The following CHN1 variants were observed in gnomAD, a reference collection of about 807,000 sequenced individuals.
The protein encoded by CHN1 is N-chimaerin.
In CHN1, 37 loss-of-function variants were observed where a neutral mutation model predicts 59.5. That is an observed-to-expected ratio of 0.62 (90% confidence interval 0.48 to 0.82). The LOEUF (loss-of-function observed/expected upper bound fraction) is 0.82. Among genes scored for constraint, CHN1 ranks in the 40% least tolerant of loss-of-function variants. CHN1 has a pLI of 0.00. For synonymous variants in CHN1, 206 were observed against 200.4 expected, an observed-to-expected ratio of 1.03 and a Z score of -0.24; for missense variants, 469 against 571.0, an observed-to-expected ratio of 0.82 and a Z score of 1.82.
At chr2:174,876,175 C>T (rs1687557476) in intron 6 of CHN1, among the ~76,000 whole-genome samples, 1 of 152,184 alleles carries the variant, frequency 6.6e-6, no homozygotes, top group Non-Finnish European at 1.5e-5. Context: ...TCCACTTTGA[C>T]TGGGGGACAA....
chr2:174,921,005 A>G (rs1434024197), intron 3 of CHN1: 7 of 420,050 alleles, frequency 1.7e-5, no homozygotes, highest in Non-Finnish European at 3.5e-5. Flanking sequence ...GCAGTTCACA[A>G]TAGGGTTCGC....
intron 3 of CHN1, among the ~76,000 whole-genome samples, chr2:174,933,972 G>C (rs373413748): frequency 6.6e-6 from 1 of 152,142 alleles, no homozygotes; most frequent in Non-Finnish European, 1.5e-5. Context: ...ACAAAATTAT[G>C]AGCTGAAAAT....
intron 6 of CHN1, among the ~76,000 whole-genome samples, chr2:174,852,107 T>G (rs1244231089): frequency 1.4e-5 from 2 of 142,696 alleles, no homozygotes; most frequent in Non-Finnish European, 3.1e-5. Context: ...TGAAACCCCT[T>G]TTTTTCCTCT....
chr2:174,917,076 C>T (rs1688868386), intron 4 of CHN1, among the ~76,000 whole-genome samples: 1 of 151,994 alleles, frequency 6.6e-6, no homozygotes, highest in South Asian at 2.1e-4. Context: ...GCCTGTAGTC[C>T]CAGCTACTCG....
intron 1 of CHN1, among the ~76,000 whole-genome samples, chr2:174,982,928 G>A (rs1225334025): frequency 1.3e-5 from 2 of 151,890 alleles, no homozygotes; most frequent in African/African-American, 4.8e-5. Context: ...CATTTTACTT[G>A]GCTAAACTGG....
intron 1 of CHN1, among the ~76,000 whole-genome samples, chr2:175,004,386 A>G (rs970756370): frequency 1.3e-5 from 2 of 152,188 alleles, no homozygotes; most frequent in African/African-American, 2.4e-5. Flanking sequence ...ATTTTAACCC[A>G]TATTCAGTTC....
In CHN1 at chr2:174,800,177, T is replaced by C. The variant is rs369847378; in HGVS notation, c.1319A>G (p.Asp440Gly). ...PELDAMAALNDIRYQRLVVEL... is the reference protein window; with the variant it reads ...PELDAMAALNGIRYQRLVVEL... Reference sequence around the variant, plus strand: ...CACCACCAGTCTCTGATACCGTATATCATTCAATGCAGCCATGGCGTCTAG... The same window carrying C: ...CACCACCAGTCTCTGATACCGTATACCATTCAATGCAGCCATGGCGTCTAG... Residue 440 changes from aspartate to glycine, a missense_variant, in exon 13 of 13, where the codon GAT becomes GGT. Transcript: ENST00000409900. 21 of 1,540,142 alleles carry C rather than the reference T, an allele frequency of 1.4e-5. No individual in the cohort carries two copies. The highest frequency in any genetic ancestry group is 1.7e-5 in the Non-Finnish European group (20 of 1,148,734).
Position 174,874,346 on chromosome 2 carries a change from G to GC in CHN1, c.549+3493dup, listed in dbSNP as rs144931910. 1.6e-3 allele frequency among the ~76,000 whole-genome samples: 242 copies of GC among 152,244 alleles called. 1 individual carries two copies. The highest frequency in any genetic ancestry group is 5.5e-3 in the African/African-American group (229 of 41,556). On this transcript the variant is annotated intron_variant, in intron 6 of 12. Transcript: ENST00000409900. ...CCATTTTAGAAGGGAAGAAAGTCTG[G>GC]CTTCTCAAGATGCTGCAATTTCATG... is the stretch of plus-strand genomic sequence containing the variant.
At chr2:174,813,866 T>C (rs1558934505) in intron 8 of CHN1, among the ~76,000 whole-genome samples, 1 of 152,186 alleles carries the variant, frequency 6.6e-6, no homozygotes, top group East Asian at 1.9e-4. Context: ...CCTCACAAAA[T>C]TGTTTTGAGA....
intron 1 of CHN1, among the ~76,000 whole-genome samples, chr2:174,996,631 A>C (rs1691720056): frequency 6.6e-6 from 1 of 152,076 alleles, no homozygotes; most frequent in Admixed American, 6.5e-5. Context: ...TCTTTCCACT[A>C]CACTACATGC....
At chr2:174,915,692 AAAC>A (rs1351057973) in intron 4 of CHN1, among the ~76,000 whole-genome samples, 1 of 152,222 alleles carries the variant, frequency 6.6e-6, no homozygotes, top group Non-Finnish European at 1.5e-5. Flanking sequence ...AGTCCAAAGC[AAAC>A]AACTATAATA....
intron 2 of CHN1, among the ~76,000 whole-genome samples, chr2:174,947,265 G>A (rs1239763122): frequency 1.3e-5 from 2 of 152,054 alleles, no homozygotes; most frequent in South Asian, 2.1e-4. Context: ...GAATTGATGT[G>A]GGTTTCAAAT....
At position 174,982,038 on chromosome 2, in the gene CHN1, C is replaced by T. The variant is rs1377091477; in HGVS notation, c.19+22856G>A. Among the ~76,000 whole-genome samples the T allele has an allele frequency of 2.6e-5, 4 of 152,118 alleles. No homozygotes were observed. The East Asian group carries it at 7.7e-4, about 29-fold the overall frequency. On this transcript the variant is annotated intron_variant, in intron 1 of 12. Transcript: ENST00000409900. ...TTCAATTCCCACCTATGAGTGAGAACACGCGGTGTTTGGTTTTTTTGTCCT... is the reference window on the plus strand; with the variant it reads ...TTCAATTCCCACCTATGAGTGAGAATACGCGGTGTTTGGTTTTTTTGTCCT...
At chr2:174,887,917 A>C (rs1687937895) in intron 5 of CHN1, among the ~76,000 whole-genome samples, 1 of 152,230 alleles carries the variant, frequency 6.6e-6, no homozygotes, top group Admixed American at 6.5e-5. Flanking sequence ...AAAAGGTTTA[A>C]GGAAACCAAG....
chr2:174,871,821 C>A (rs866284129), intron 6 of CHN1, among the ~76,000 whole-genome samples: 57 of 152,134 alleles, frequency 3.7e-4, no homozygotes, highest in African/African-American at 1.3e-3. Context: ...GGGCTTAAAT[C>A]TTCAACATCT....
intron 11 of CHN1, among the ~76,000 whole-genome samples, chr2:174,807,124 A>C (rs1170154385): frequency 6.6e-6 from 1 of 152,192 alleles, no homozygotes; most frequent in Non-Finnish European, 1.5e-5. Flanking sequence ...ATGATTTGGA[A>C]GGATAATAAA....
rs114481578 is a variant in CHN1, at chr2:174,837,857, A to G, written c.627+9023T>C. Among the ~76,000 whole-genome samples, 582 of 152,310 alleles carry G rather than the reference A, an allele frequency of 3.8e-3. 5 individuals are homozygous for G. Among genetic ancestry groups the G allele is most frequent in the African/African-American group, 0.013 (546 of 41,562 alleles). ...ACCTATATTCCACTTCCTTTGGTGT[A>G]TATACACATCTCTTTTTCTACTTTC... On this transcript the variant is annotated intron_variant, in intron 7 of 12. Coordinates refer to ENST00000409900, the MANE Select transcript of CHN1 (RefSeq NM_001822.7).
chr2:174,937,284 A>C (rs1689525103), intron 3 of CHN1, among the ~76,000 whole-genome samples: 1 of 152,190 alleles, frequency 6.6e-6, no homozygotes, highest in African/African-American at 2.4e-5. Flanking sequence ...TAGTCACTAA[A>C]TGTATGTTCC....
intron 5 of CHN1, among the ~76,000 whole-genome samples, chr2:174,897,503 T>C (rs549142663): frequency 1.4e-5 from 2 of 139,034 alleles, no homozygotes; most frequent in East Asian, 2.0e-4. Flanking sequence ...TTTGTTCTAT[T>C]GGCAGGATAG....
Sources: allele counts gnomAD v4.1 joint callset (sites outside exome capture counted in the v4.1 genomes callset), GRCh38; gene constraint gnomAD v4.1.1; transcripts MANE v1.5; gene names NCBI Gene and HGNC (gene_info 2026-07-23, HGNC 2026-07-21).